SLC6A9: variants seen among roughly 807,000 people sequenced by gnomAD.
SLC6A9 encodes the protein solute carrier family 6 member 9.
A neutral mutation model predicts 70.9 loss-of-function variants in SLC6A9; 31 were observed. That is an observed-to-expected ratio of 0.44 (90% CI 0.33 to 0.59). The LOEUF is 0.59. Ranked by LOEUF, SLC6A9 falls within the 20% of genes least tolerant of loss-of-function variation. The pLI is 0.04. For synonymous variants in SLC6A9, 310 were observed against 341.3 expected (o/e 0.91, Z 1.01); for missense variants, 631 against 845.2 (o/e 0.75, Z 3.14).
intron 12 of SLC6A9, among the ~76,000 whole-genome samples, chr1:43,998,240 A>C (rs955843304): frequency 6.6e-6 from 1 of 152,172 alleles, no homozygotes; most frequent in African/African-American, 2.4e-5. Context: ...GGAAGGGAGA[A>C]GTCTGTCTTT....
At position 43,997,202 on chromosome 1, in the gene SLC6A9, C is replaced by T; in HGVS notation, c.*343G>A. The T allele has an allele frequency of 3.6e-6, 1 of 277,954 alleles. No homozygotes were observed. The highest frequency in any genetic ancestry group is 6.8e-6 in the Non-Finnish European group (1 of 146,696). 17.2% of individuals were successfully genotyped at this position (277,954 alleles called of 1,614,324 possible). ...AGCACTAGTCATGGGGCTGGAGGCC[C>T]ACCCAGAACCTCAGCTCAGGGCAGG... On this transcript the variant is annotated 3_prime_UTR_variant, in exon 14 of 14. Transcript: ENST00000372310. The surrounding 1 kb of genome is among the most constrained non-coding windows in gnomAD (Gnocchi z 4.4).
chr1:44,030,694 C>G (rs1201930026), intron 1 of SLC6A9: 1 of 152,416 alleles, frequency 6.6e-6, no homozygotes, highest in Non-Finnish European at 1.5e-5. Flanking sequence ...CGCCAGGACT[C>G]TCCCGCGCGG....
intron 5 of SLC6A9, among the ~76,000 whole-genome samples, chr1:44,007,778 C>A (rs1301539183): frequency 6.6e-6 from 1 of 152,160 alleles, no homozygotes; most frequent in Non-Finnish European, 1.5e-5. Flanking sequence ...GGATCTGCCC[C>A]CCTTTCCCCT....
At chr1:44,015,884 C>T in intron 2 of SLC6A9, 17 of 985,372 alleles carry the variant, frequency 1.7e-5, no homozygotes, top group Non-Finnish European at 2.0e-5. Flanking sequence ...GCCGAGCAGC[C>T]CCCAGTGGCC....
rs1279993228 is a variant in SLC6A9 at position 44,008,346 on chromosome 1, G to A, written c.590+7C>T. On this transcript the variant is annotated splice_region_variant and intron_variant, in intron 5 of 13. Coordinates refer to ENST00000372310, the MANE Select transcript of SLC6A9 (RefSeq NM_001024845.3). ...TCCCCCCACCCCAGGTCCTGCAGGT[G>A]CCTCACCTCCAGTACTCCTCGCTGG... is the stretch of plus-strand genomic sequence containing the variant. The A allele has an allele frequency of 6.2e-6, 10 of 1,613,072 alleles. No individual in the cohort carries two copies. The highest frequency in any genetic ancestry group is 8.5e-6 in the Non-Finnish European group (10 of 1,179,274).
chr1:44,001,912 T>C (rs1288101301), intron 8 of SLC6A9, among the ~76,000 whole-genome samples: 1 of 152,148 alleles, frequency 6.6e-6, no homozygotes, highest in Non-Finnish European at 1.5e-5. Flanking sequence ...TTTTATGTTT[T>C]ATAAAGAAAG....
intron 1 of SLC6A9, among the ~76,000 whole-genome samples, chr1:44,031,017 C>T (rs1177251729): frequency 6.7e-6 from 1 of 149,408 alleles, no homozygotes; most frequent in Non-Finnish European, 1.5e-5. Context: ...CGCAGGAGCT[C>T]CCCCCACTTC....
At position 44,002,578 on chromosome 1, in the gene SLC6A9, C is replaced by A. The variant is rs2086156994; in HGVS notation, c.792G>T (p.Leu264=). 1.9e-6 allele frequency: 3 copies of A among 1,614,120 alleles called. No homozygotes were observed. The highest frequency in any genetic ancestry group is 2.2e-5 in the East Asian group (1 of 44,878). The part of the protein sequence containing the change: ...LTILFVRGVT[L]EGAFDGIMYY... ...ACATGATGCCGTCAAAGGCTCCCTC[C>A]AGGGTCACTCCGCGGACAAACAGAA... The change falls in exon 7 of 14, where the codon CTG becomes CTT. Residue 264 remains leucine, a synonymous_variant. Coordinates refer to ENST00000372310, the MANE Select transcript of SLC6A9 (RefSeq NM_001024845.3). This position sits in a 1 kb window ranked among gnomAD's most constrained non-coding sequence, Gnocchi z 5.5.
At position 44,018,574 on chromosome 1, in the gene SLC6A9, G is replaced by A. The variant is rs1237546532; in HGVS notation, c.30+5674C>T. On this transcript the variant is annotated intron_variant, in intron 2 of 13. Transcript: ENST00000372310. This position sits in a 1 kb window ranked among gnomAD's most constrained non-coding sequence, Gnocchi z 4.2. ...GCGCCATTGCATTCCAGCCTGGGCA[G>A]CAAGAGCAAAACTCTCTCTCTAAAA... Among the ~76,000 whole-genome samples, 1 of 149,812 alleles carries A rather than the reference G, an allele frequency of 6.7e-6. No homozygotes were observed. Among genetic ancestry groups the A allele is most frequent in the Non-Finnish European group, 1.5e-5 (1 of 67,644 alleles).
rs756686534 is a variant in SLC6A9 at position 44,010,714 on chromosome 1, C to A, written c.187+12G>T. On this transcript the variant is annotated intron_variant, in intron 3 of 13. Transcript: ENST00000372310. ...CCAAGTGGGTGGTCCCTGCCCTGTGCCCACTGGGTACCTCCCCCGTTGCGA... is the reference window on the plus strand; with the variant it reads ...CCAAGTGGGTGGTCCCTGCCCTGTGACCACTGGGTACCTCCCCCGTTGCGA... 1 of 1,613,364 alleles carries A rather than the reference C, an allele frequency of 6.2e-7. No homozygotes were observed. The highest frequency in any genetic ancestry group is 1.1e-5 in the South Asian group (1 of 91,028).
chr1:44,007,463 G>A (rs76106399), intron 5 of SLC6A9, among the ~76,000 whole-genome samples: 3 of 152,198 alleles, frequency 2.0e-5, no homozygotes, highest in Admixed American at 6.5e-5. Context: ...CAACTGGTGG[G>A]TGGAGGGCAC....
intron 5 of SLC6A9, among the ~76,000 whole-genome samples, chr1:44,005,645 G>A (rs549615765): frequency 3.5e-4 from 54 of 152,298 alleles, no homozygotes; most frequent in African/African-American, 1.1e-3. Context: ...CTGATACAGC[G>A]ACTGCTGCCT....
chr1:44,008,808 C>T (rs539493441), intron 4 of SLC6A9, among the ~76,000 whole-genome samples, 185 bp from the exon 5 acceptor site: 1 of 151,768 alleles, frequency 6.6e-6, no homozygotes, highest in South Asian at 2.1e-4. Context: ...CAAGCTCCAC[C>T]TCCTGGGTTC....
chr1:44,019,787 C>A (rs1023837257), intron 2 of SLC6A9, among the ~76,000 whole-genome samples: 2 of 152,248 alleles, frequency 1.3e-5, no homozygotes, highest in South Asian at 2.1e-4. Flanking sequence ...TAAGAGTGGG[C>A]ATGCTTCCAG....
At chr1:44,027,196 C>A (rs1410275005) in intron 1 of SLC6A9, among the ~76,000 whole-genome samples, 1 of 152,136 alleles carries the variant, frequency 6.6e-6, no homozygotes, top group Non-Finnish European at 1.5e-5. Flanking sequence ...TAGTGGGTCA[C>A]AGAGGCAGTT....
In SLC6A9 at chr1:44,008,361, C is replaced by T. The variant is rs1271043263; in HGVS notation, c.582G>A (p.Glu194=). 1.2e-6 allele frequency: 2 copies of T among 1,614,074 alleles called. No individual in the cohort carries two copies. Among genetic ancestry groups the T allele is most frequent in the Non-Finnish European group, 1.7e-6 (2 of 1,179,938 alleles). Residue 194 remains glutamate, a synonymous_variant, in exon 5 of 14, where the codon GAG becomes GAA. Transcript: ENST00000372310. The part of the protein sequence containing the change: ...HSLQRTSPSE[E]YWRLYVLKLS... The stretch of plus-strand genomic sequence containing the variant: ...TCCTGCAGGTGCCTCACCTCCAGTA[C>T]TCCTCGCTGGGGCTGGTCCTCTGGA...
chr1:44,008,744 T>C (rs1043188995), intron 4 of SLC6A9, 121 bp from the exon 5 acceptor site: 25 of 784,538 alleles, frequency 3.2e-5, no homozygotes, highest in Non-Finnish European at 5.0e-5. Flanking sequence ...CTAGCTCTGT[T>C]GCCCAGGCTC....
chr1:44,010,792 C>G lies in SLC6A9; in HGVS notation c.121G>C (p.Val41Leu). ...GNQIEFVLTS[V>L]GYAVGLGNVW... Reference sequence around the variant, plus strand: ...TTGCCCAGGCCCACGGCATAGCCCACGCTCGTCAGTACAAACTCGATCTGG... The same window carrying G: ...TTGCCCAGGCCCACGGCATAGCCCAGGCTCGTCAGTACAAACTCGATCTGG... The change falls in exon 3 of 14, where the codon GTG (valine) becomes CTG (leucine). Residue 41 changes from valine to leucine, a missense_variant. Transcript: ENST00000372310. 1.9e-6 allele frequency: 3 copies of G among 1,614,210 alleles called. No individual in the cohort carries two copies. The highest frequency in any genetic ancestry group is 2.5e-6 in the Non-Finnish European group (3 of 1,180,022).
intron 3 of SLC6A9, 72 bp from the exon 4 acceptor site, chr1:44,010,168 C>T: frequency 6.4e-7 from 1 of 1,566,372 alleles, no homozygotes; most frequent in East Asian, 2.3e-5. Context: ...CTGCTCAGAA[C>T]TCAACAGCAA....
Sources: gnomAD v4.1 joint callset for allele counts (sites outside exome capture counted in the v4.1 genomes callset) on GRCh38, gnomAD v4.1.1 for gene constraint, Gnocchi (gnomAD v3.1) non-coding constraint, MANE v1.5 for transcripts, NCBI Gene and HGNC (gene_info 2026-07-23, HGNC 2026-07-21) for gene names.